The following COL5A1 variants were observed in gnomAD, a reference collection of about 807,000 sequenced individuals.
The protein encoded by COL5A1 is collagen alpha-1(V) chain.
COL5A1 carries 16 observed loss-of-function variants against 263.7 expected under a neutral mutation model. The ratio of observed to expected loss-of-function variants is 0.06; its 90% CI spans 0.04 to 0.09. COL5A1 has a LOEUF of 0.09. Among genes scored for constraint, COL5A1 ranks in the 10% least tolerant of loss-of-function variants. COL5A1 has a pLI of 1.00. For missense variants in COL5A1, 2,036 were observed against 2,540.5 expected, an observed-to-expected ratio of 0.80 and a Z score of 4.27; for synonymous variants, 1,012 against 1,004.5, an observed-to-expected ratio of 1.01 and a Z score of -0.14.
intron 1 of COL5A1, among the ~76,000 whole-genome samples, chr9:134,664,814 C>T (rs1832309233): frequency 6.6e-6 from 1 of 152,196 alleles, no homozygotes; most frequent in South Asian, 2.1e-4. Context: ...ATATTTCCAG[C>T]ACTTTGGGAG....
In COL5A1 at chr9:134,754,659, G is replaced by A. The variant is rs1835908883; in HGVS notation, c.1827+333G>A. On this transcript the variant is annotated intron_variant, in intron 16 of 65. Coordinates refer to ENST00000371817, the MANE Select transcript of COL5A1 (RefSeq NM_000093.5). This position sits in a 1 kb window ranked among gnomAD's most constrained non-coding sequence, Gnocchi z 4.3. ...TATCAGCGGGCCTTATATATTTCGG[G>A]CAGCACTGGGACTCCAGAAATGGCC... Among the ~76,000 whole-genome samples the A allele has an allele frequency of 6.6e-6, 1 of 152,220 alleles. No individual in the cohort carries two copies. The highest frequency in any genetic ancestry group is 1.5e-5 in the Non-Finnish European group (1 of 68,038).
At chr9:134,659,975 C>G (rs1832153302) in intron 1 of COL5A1, among the ~76,000 whole-genome samples, 1 of 152,152 alleles carries the variant, frequency 6.6e-6, no homozygotes. Flanking sequence ...AAATGGGGCC[C>G]AGCAAGCCAG....
At chr9:134,823,139 C>A in intron 60 of COL5A1, 106 bp downstream of exon 60, 2 of 1,343,126 alleles carry the variant, frequency 1.5e-6, no homozygotes, top group Non-Finnish European at 2.1e-6. Flanking sequence ...TAGCTCAGGC[C>A]CTGCTGCTCA....
At chr9:134,802,414 A>G (rs1229526156) in intron 38 of COL5A1, among the ~76,000 whole-genome samples, 1 of 152,216 alleles carries the variant, frequency 6.6e-6, no homozygotes, top group Non-Finnish European at 1.5e-5. Flanking sequence ...GCTTAGAGCC[A>G]GGATTGATGG....
At chr9:134,648,302 ATAATAT>A (rs1564363506) in intron 1 of COL5A1, among the ~76,000 whole-genome samples, 1 of 140,452 alleles carries the variant, frequency 7.1e-6, no homozygotes, top group African/African-American at 2.8e-5. Flanking sequence ...ATATATATAT[ATAATAT>A]ATATATATAT....
chr9:134,801,007 G>A (rs1209822079), intron 37 of COL5A1, among the ~76,000 whole-genome samples: 1 of 152,182 alleles, frequency 6.6e-6, no homozygotes, highest in Non-Finnish European at 1.5e-5. Context: ...ATGGCTTCTC[G>A]CTGGCACCTG....
intron 1 of COL5A1, among the ~76,000 whole-genome samples, chr9:134,674,722 C>A (rs759862086): frequency 1.3e-4 from 19 of 151,986 alleles, no homozygotes; most frequent in Non-Finnish European, 1.8e-4. Flanking sequence ...CCTGTCTCTA[C>A]GAAAAATACA....
At chr9:134,810,801 C>A (rs1357639828) in intron 44 of COL5A1, among the ~76,000 whole-genome samples, 1 of 152,070 alleles carries the variant, frequency 6.6e-6, no homozygotes, top group Non-Finnish European at 1.5e-5. Flanking sequence ...GCCTTTCCCC[C>A]AGTATGTTGA....
rs761639579 is a variant in COL5A1 at position 134,699,929 on chromosome 9, T to G, written c.298T>G (p.Phe100Val). 6 of 1,613,922 alleles carry G rather than the reference T, an allele frequency of 3.7e-6. No homozygotes were observed. The highest frequency in any genetic ancestry group is 5.1e-6 in the Non-Finnish European group (6 of 1,180,034). The change falls in exon 3 of 66, where the codon TTC (phenylalanine) becomes GTC (valine). Residue 100 changes from phenylalanine (F) to valine (V), a missense_variant. Physicochemically the swap from Phe to Val is conservative, Grantham distance 50. Around this residue, in one of 3 missense-constraint regions of COL5A1, gnomAD observed 600 missense variants for 634.5 expected, o/e 0.95. Coordinates refer to ENST00000371817, the MANE Select transcript of COL5A1 (RefSeq NM_000093.5). The part of the protein sequence containing the change: ...LYPASAFPED[F>V]SILTTVKAKK... ...TCCAGCGTCTGCATTTCCCGAGGAC[T>G]TCTCCATCCTAACAACTGTGAAAGC...
At chr9:134,695,367 G>C (rs893822207) in intron 2 of COL5A1, among the ~76,000 whole-genome samples, 2 of 152,136 alleles carry the variant, frequency 1.3e-5, no homozygotes, top group Non-Finnish European at 2.9e-5. Context: ...CGCTGCCCCC[G>C]CCAGTACCTT....
At chr9:134,831,574 AG>A (rs1386100908) in intron 64 of COL5A1, among the ~76,000 whole-genome samples, 1 of 152,132 alleles carries the variant, frequency 6.6e-6, no homozygotes, top group Non-Finnish European at 1.5e-5. Context: ...CAGGCAAGGA[AG>A]GGGCCCTGGG....
Position 134,814,858 on chromosome 9 carries a change from C to T in COL5A1, c.3968C>T (p.Pro1323Leu), listed in dbSNP as rs2132853817. Residue 1323 changes from proline to leucine, a missense_variant, in exon 50 of 66, where the codon CCT becomes CTT. Transcript: ENST00000371817. ...ESGPSGAAGP[P>L]GPKGPPGDDG... ...GGCCCTTCAGGTGCTGCCGGACCCC[C>T]TGGACCCAAAGGCCCTCCCGGAGAT... The T allele has an allele frequency of 6.4e-7, 1 of 1,551,596 alleles. No individual in the cohort carries two copies. The highest frequency in any genetic ancestry group is 8.7e-7 in the Non-Finnish European group (1 of 1,147,120).
chr9:134,741,263 C>T lies in COL5A1; in HGVS notation c.1494+2455C>T, dbSNP rs1247605172. On this transcript the variant is annotated intron_variant, in intron 11 of 65. Coordinates refer to ENST00000371817, the MANE Select transcript of COL5A1 (RefSeq NM_000093.5). The surrounding 1 kb of genome is among the most constrained non-coding windows in gnomAD (Gnocchi z 4.5). ...TTGAGCATCTGGGGCCTCCAAAAGA[C>T]AGATTAACAAGAGAAGAGGCATACG... 6.6e-6 allele frequency among the ~76,000 whole-genome samples: 1 copy of T among 152,142 alleles called. No homozygotes were observed. The highest frequency in any genetic ancestry group is 1.5e-5 in the Non-Finnish European group (1 of 68,030).
In COL5A1 at chr9:134,816,724, C is replaced by G. The variant is rs115918918; in HGVS notation, c.4123-302C>G. On this transcript the variant is annotated intron_variant, in intron 52 of 65. Transcript: ENST00000371817. ...CTTCTGTGAAAGGGGATGCCAGTGC[C>G]TCGTCCCTGCCCAGGTTGTGGTGGG... is the stretch of plus-strand genomic sequence containing the variant. 8.5e-3 allele frequency among the ~76,000 whole-genome samples: 1,295 copies of G among 152,364 alleles called. 23 individuals are homozygous for G. The highest frequency in any genetic ancestry group is 0.029 in the African/African-American group (1,193 of 41,588).
At chr9:134,751,490 G>A (rs1162775891) in intron 13 of COL5A1, among the ~76,000 whole-genome samples, 1 of 152,194 alleles carries the variant, frequency 6.6e-6, no homozygotes, top group East Asian at 1.9e-4. Flanking sequence ...CTGGGAGAGA[G>A]CCCTTGGGCC....
rs1554807630 is a variant in COL5A1, at chr9:134,822,721, C to CCCCCA, written c.4609-273_4609-272insACCCC. ...CCAGGACATGCTCTTTTCCGCTGCG[C>CCCCCA]CCCCCCCGCGGCTGTCTGAGCTGGG... is the stretch of plus-strand genomic sequence containing the variant. On this transcript the variant is annotated intron_variant, in intron 59 of 65. Transcript: ENST00000371817. Among the ~76,000 whole-genome samples, 16 of 132,290 alleles carry CCCCCA rather than the reference C, an allele frequency of 1.2e-4. 3 individuals are homozygous for CCCCCA. Among genetic ancestry groups the CCCCCA allele is most frequent in the African/African-American group, 5.4e-4 (15 of 27,812 alleles). The allele number at this position is 132,290 out of a possible 152,430, so 86.8% of individuals were successfully genotyped here.
chr9:134,748,347 TCA>T (rs1207874933), intron 11 of COL5A1, among the ~76,000 whole-genome samples: 5 of 151,036 alleles, frequency 3.3e-5, no homozygotes, highest in African/African-American at 9.8e-5. Context: ...ATTCACACAT[TCA>T]CACACATGCA....
chr9:134,839,001 C>T (rs566765340), intron 65 of COL5A1, among the ~76,000 whole-genome samples: 1 of 152,354 alleles, frequency 6.6e-6, no homozygotes, highest in South Asian at 2.1e-4. Context: ...ACAACCGTCT[C>T]ATTTAATTAC....
intron 1 of COL5A1, among the ~76,000 whole-genome samples, chr9:134,655,509 G>A (rs1224372191): frequency 6.6e-6 from 1 of 152,078 alleles, no homozygotes. Flanking sequence ...TGTCAAGTGG[G>A]CATGAGAATA....
Sources: gnomAD v4.1 joint callset for allele counts (sites outside exome capture counted in the v4.1 genomes callset) on GRCh38, gnomAD v4.1.1 for gene constraint, gnomAD v4.1.1 regional missense constraint, Gnocchi (gnomAD v3.1) non-coding constraint, MANE v1.5 for transcripts, NCBI Gene and HGNC (gene_info 2026-07-23, HGNC 2026-07-21) for gene names.